Variants in CWC27 observed in about 807,000 individuals in gnomAD.
CWC27 encodes CWC27 spliceosome associated cyclophilin, also known as spliceosome-associated protein CWC27 homolog.
CWC27 carries 47 observed loss-of-function variants against 63.6 expected under a neutral mutation model. The observed-to-expected ratio is 0.74, with a 90% CI of 0.58 to 0.94. The LOEUF is 0.94. Ranked by LOEUF, CWC27 falls within the 40% of genes least tolerant of loss-of-function variation. The pLI, the probability that CWC27 is intolerant of heterozygous loss-of-function variation, is 0.00. For missense variants in CWC27, 495 were observed against 554.3 expected, an observed-to-expected ratio of 0.89 and a Z score of 1.07; for synonymous variants, 175 against 179.8, an observed-to-expected ratio of 0.97 and a Z score of 0.22.
intron 13 of CWC27, among the ~76,000 whole-genome samples, chr5:65,012,741 G>A (rs569893456): frequency 6.6e-6 from 1 of 152,288 alleles, no homozygotes; most frequent in Admixed American, 6.5e-5. Flanking sequence ...TCTTTGAGTA[G>A]TTTGTCATTA....
chr5:64,994,951 C>T (rs538413040), intron 13 of CWC27, among the ~76,000 whole-genome samples: 97 of 151,476 alleles, frequency 6.4e-4, no homozygotes, highest in African/African-American at 2.2e-3. Context: ...GTTGTGGTCA[C>T]GGTTGTTAAT....
intron 11 of CWC27, among the ~76,000 whole-genome samples, chr5:64,904,670 G>A (rs1181018235): frequency 6.6e-6 from 1 of 152,236 alleles, no homozygotes; most frequent in African/African-American, 2.4e-5. Flanking sequence ...GGGAAGGAGA[G>A]TTAGTCTTCA....
At chr5:64,899,332 A>G (rs1747451085) in intron 11 of CWC27, among the ~76,000 whole-genome samples, 1 of 152,226 alleles carries the variant, frequency 6.6e-6, no homozygotes, top group African/African-American at 2.4e-5. Context: ...AGCAGGAGCC[A>G]TAGATTCATC....
chr5:64,892,351 C>T (rs57625412), intron 11 of CWC27, among the ~76,000 whole-genome samples: 1,648 of 151,678 alleles, frequency 0.011, 24 homozygotes, highest in African/African-American at 0.038. Flanking sequence ...GGGGTCATTA[C>T]TGTCTCTTTA....
intron 4 of CWC27, among the ~76,000 whole-genome samples, chr5:64,784,832 C>A (rs529643033): frequency 1.7e-3 from 260 of 152,286 alleles, no homozygotes; most frequent in African/African-American, 6.0e-3. Flanking sequence ...TTCTTTTGAG[C>A]CACTCCAGCA....
At position 64,789,490 on chromosome 5, in the gene CWC27, A is replaced by G. The variant is rs145941721; in HGVS notation, c.669+470A>G. ...ATTTTACTCATGAATACATTCAGCT[A>G]TAGTTTATAATTTGCTCAAAGTAAC... On this transcript the variant is annotated intron_variant, in intron 7 of 13. Transcript: ENST00000381070. Among the ~76,000 whole-genome samples, 102 of 152,258 alleles carry G rather than the reference A, an allele frequency of 6.7e-4. 2 individuals are homozygous for G. In the East Asian group the frequency reaches 0.013, roughly 19 times the overall value.
At chr5:64,817,564 A>G (rs1157905083) in intron 10 of CWC27, among the ~76,000 whole-genome samples, 1 of 152,120 alleles carries the variant, frequency 6.6e-6, no homozygotes, top group Admixed American at 6.6e-5. Context: ...GATTTGTTTA[A>G]TTTTGTTAGT....
chr5:64,978,063 A>G (rs938617989), intron 13 of CWC27, among the ~76,000 whole-genome samples: 1 of 152,132 alleles, frequency 6.6e-6, no homozygotes, highest in Non-Finnish European at 1.5e-5. Flanking sequence ...CTCTCTGCCA[A>G]ACAGCATCTC....
intron 10 of CWC27, among the ~76,000 whole-genome samples, chr5:64,863,347 T>G (rs1300920738): frequency 6.6e-6 from 1 of 152,142 alleles, no homozygotes; most frequent in Non-Finnish European, 1.5e-5. Flanking sequence ...TACTTACCTC[T>G]CTTTTACTCA....
chr5:64,877,615 T>G (rs1316052048), intron 10 of CWC27, among the ~76,000 whole-genome samples: 1 of 151,980 alleles, frequency 6.6e-6, no homozygotes, highest in African/African-American at 2.4e-5. Context: ...ACCCTTAATA[T>G]CCTGACTTTA....
chr5:64,804,094 CAAAACAAAAG>C, intron 9 of CWC27, 125 bp from the exon 10 acceptor site: 1 of 811,050 alleles, frequency 1.2e-6, no homozygotes, highest in Non-Finnish European at 1.8e-6. Flanking sequence ...GCTTATAATT[CAAAACAAAAG>C]AAAACAAAAT....
At chr5:64,965,636 A>G in intron 11 of CWC27, among the ~76,000 whole-genome samples, 1 of 152,150 alleles carries the variant, frequency 6.6e-6, no homozygotes, top group Non-Finnish European at 1.5e-5. Context: ...AAAGCCATAA[A>G]ATTTTACCCA....
intron 12 of CWC27, among the ~76,000 whole-genome samples, chr5:64,973,514 A>G (rs936272412): frequency 3.4e-4 from 52 of 152,234 alleles, no homozygotes; most frequent in African/African-American, 1.3e-3. Flanking sequence ...TCGTTCTTTC[A>G]GGAAAAGCCA....
chr5:64,807,272 G>A (rs1744713671), intron 10 of CWC27, among the ~76,000 whole-genome samples: 1 of 152,094 alleles, frequency 6.6e-6, no homozygotes, highest in Non-Finnish European at 1.5e-5. Flanking sequence ...GGAAACATCT[G>A]GAATCTGTTA....
chr5:64,893,389 G>A (rs557924127), intron 11 of CWC27, among the ~76,000 whole-genome samples: 1 of 152,296 alleles, frequency 6.6e-6, no homozygotes, highest in Non-Finnish European at 1.5e-5. Flanking sequence ...ACTTTATAGT[G>A]TAAACCTGTG....
chr5:64,837,516 T>G lies in CWC27; in HGVS notation c.938+33130T>G, dbSNP rs533224526. ...TTCAAAACTCATTCTCTTTTTTTTT[T>G]TGTGAAGAAACCAGAAAATATTTCA... is the stretch of plus-strand genomic sequence containing the variant. On this transcript the variant is annotated intron_variant, in intron 10 of 13. Coordinates refer to ENST00000381070, the MANE Select transcript of CWC27 (RefSeq NM_005869.4). Among the ~76,000 whole-genome samples, 181 of 152,168 alleles carry G rather than the reference T, an allele frequency of 1.2e-3. 1 individual carries two copies. The highest frequency in any genetic ancestry group is 3.4e-3 in the Middle Eastern group (1 of 294).
intron 13 of CWC27, among the ~76,000 whole-genome samples, chr5:64,990,421 C>T (rs1287425009): frequency 1.9e-5 from 2 of 108,042 alleles, no homozygotes; most frequent in Non-Finnish European, 4.0e-5. Flanking sequence ...CCCGCCACTA[C>T]GCCCGGCTAA....
At chr5:64,972,909 G>C (rs1749152500) in intron 12 of CWC27, among the ~76,000 whole-genome samples, 1 of 152,188 alleles carries the variant, frequency 6.6e-6, no homozygotes, top group Non-Finnish European at 1.5e-5. Context: ...GAAAGGGGGT[G>C]AGCATTATGA....
At chr5:64,787,570 A>T (rs1159023528) in intron 6 of CWC27, among the ~76,000 whole-genome samples, 1 of 151,668 alleles carries the variant, frequency 6.6e-6, no homozygotes. Flanking sequence ...TATTATTATA[A>T]ATATTTTAAA....
Sources: gnomAD v4.1 joint callset for allele counts (sites outside exome capture counted in the v4.1 genomes callset) on GRCh38, gnomAD v4.1.1 for gene constraint, MANE v1.5 for transcripts, NCBI Gene and HGNC (gene_info 2026-07-23, HGNC 2026-07-21) for gene names.